Variants in ANKRD12 observed in about 807,000 individuals in gnomAD.
The protein encoded by ANKRD12 is ankyrin repeat domain-containing protein 12.
ANKRD12 carries 85 observed loss-of-function variants against 183.4 expected under a neutral mutation model. That is an observed-to-expected ratio of 0.46 (90% confidence interval 0.39 to 0.56). The LOEUF is 0.56. Among genes scored for constraint, ANKRD12 ranks in the 20% least tolerant of loss-of-function variants. The probability of loss-of-function intolerance (pLI) is 0.00; values close to 1 mark genes in which losing one functional copy is unlikely to be tolerated. For synonymous variants in ANKRD12, 914 were observed against 800.2 expected (o/e 1.14, Z -2.40); for missense variants, 2,405 against 2,357.1 (o/e 1.02, Z -0.42).
chr18:9,161,738 A>ATG (rs372785729), intron 1 of ANKRD12, among the ~76,000 whole-genome samples: 12,010 of 148,416 alleles, frequency 0.081, 489 homozygotes, highest in African/African-American at 0.11. Context: ...TGATATGTTG[A>ATG]TGTGTGTGTG....
chr18:9,281,262 AAC>A lies in ANKRD12; in HGVS notation c.*139_*140del. ...TTCGATTATAGTTGGTTATGTAGTA[AAC>A]ACTGTCATTTTATAAAAAATGAGAA... On this transcript the variant is annotated 3_prime_UTR_variant, in exon 13 of 13. Coordinates refer to ENST00000262126, the MANE Select transcript of ANKRD12 (RefSeq NM_015208.5). 1 of 627,946 alleles carries A rather than the reference AAC, an allele frequency of 1.6e-6. No individual in the cohort carries two copies. Among genetic ancestry groups the A allele is most frequent in the Non-Finnish European group, 2.6e-6 (1 of 378,546 alleles). The allele number at this position is 627,946 out of a possible 1,614,324, so 38.9% of individuals were successfully genotyped here. A position where few individuals can be genotyped will look rare whatever the true frequency, so the allele number is the denominator to read the frequency against.
chr18:9,156,096 C>G (rs1298017834), intron 1 of ANKRD12, among the ~76,000 whole-genome samples: 1 of 145,560 alleles, frequency 6.9e-6, no homozygotes, highest in Non-Finnish European at 1.5e-5. Flanking sequence ...CAAGATCACG[C>G]CACTGCACTC....
chr18:9,222,468 CTTT>C (rs959278288), intron 8 of ANKRD12, among the ~76,000 whole-genome samples: 2 of 135,234 alleles, frequency 1.5e-5, no homozygotes, highest in South Asian at 2.4e-4. Flanking sequence ...CAATTTCTTT[CTTT>C]TTTTTTTTTT....
intron 2 of ANKRD12, among the ~76,000 whole-genome samples, chr18:9,193,510 G>GTT (rs1019754086): frequency 6.6e-6 from 1 of 150,578 alleles, no homozygotes; most frequent in Non-Finnish European, 1.5e-5. Context: ...AATCTCAGTG[G>GTT]TTTTTTTTTG....
At chr18:9,166,701 T>G (rs1338738827) in intron 1 of ANKRD12, among the ~76,000 whole-genome samples, 2 of 152,016 alleles carry the variant, frequency 1.3e-5, no homozygotes, top group Non-Finnish European at 2.9e-5. Flanking sequence ...TCTTTTGCTG[T>G]GCAGAAGCTC....
intron 10 of ANKRD12, among the ~76,000 whole-genome samples, chr18:9,265,354 G>A (rs2145330623): frequency 6.6e-6 from 1 of 152,324 alleles, no homozygotes; most frequent in South Asian, 2.1e-4. Context: ...CCCCCGAGTA[G>A]CCTAACTGGG....
intron 1 of ANKRD12, among the ~76,000 whole-genome samples, chr18:9,164,667 G>A (rs1248169284): frequency 6.6e-6 from 1 of 152,110 alleles, no homozygotes; most frequent in Non-Finnish European, 1.5e-5. Flanking sequence ...AGTCATTCAG[G>A]AGCAGGTTGT....
At position 9,160,727 on chromosome 18, in the gene ANKRD12, G is replaced by A. The variant is rs533376540; in HGVS notation, c.-51-21655G>A. Among the ~76,000 whole-genome samples, 293 of 152,280 alleles carry A rather than the reference G, an allele frequency of 1.9e-3. 2 individuals are homozygous for A. The highest frequency in any genetic ancestry group is 2.6e-3 in the Non-Finnish European group (177 of 68,030). On this transcript the variant is annotated intron_variant, in intron 1 of 12. Coordinates refer to ENST00000262126, the MANE Select transcript of ANKRD12 (RefSeq NM_015208.5). ...AAGTTTGCGTTATCAAGTGTTATGA[G>A]CCTAAAAGAACAGCTTATTAAATTT...
At chr18:9,141,066 G>A (rs963039632) in intron 1 of ANKRD12, among the ~76,000 whole-genome samples, 2 of 151,776 alleles carry the variant, frequency 1.3e-5, no homozygotes, top group African/African-American at 4.8e-5. Context: ...GTTTGAAGGC[G>A]GGGATTCTTA....
chr18:9,218,829 G>A (rs1056779780), intron 7 of ANKRD12, among the ~76,000 whole-genome samples: 1 of 151,776 alleles, frequency 6.6e-6, no homozygotes, highest in East Asian at 1.9e-4. Context: ...CACCATGCTA[G>A]GCTAATTTTT....
intron 11 of ANKRD12, among the ~76,000 whole-genome samples, chr18:9,276,239 T>G (rs2039827630): frequency 2.6e-5 from 4 of 152,174 alleles, no homozygotes; most frequent in African/African-American, 7.2e-5. Flanking sequence ...ATTAAAATTT[T>G]TATAATAAAC....
At chr18:9,253,992 A>G (rs1410636886) in intron 8 of ANKRD12, among the ~76,000 whole-genome samples, 1 of 152,200 alleles carries the variant, frequency 6.6e-6, no homozygotes, top group African/African-American at 2.4e-5. Context: ...TGTCAAAAGG[A>G]GCCTCACCAT....
intron 8 of ANKRD12, among the ~76,000 whole-genome samples, chr18:9,252,706 T>C (rs1018195578): frequency 6.6e-6 from 1 of 152,190 alleles, no homozygotes; most frequent in African/African-American, 2.4e-5. Context: ...GGCTCGTGCC[T>C]GTATTCCCAG....
At chr18:9,247,667 C>T (rs1598683867) in intron 8 of ANKRD12, among the ~76,000 whole-genome samples, 1 of 151,962 alleles carries the variant, frequency 6.6e-6, no homozygotes, top group East Asian at 1.9e-4. Flanking sequence ...AGATATTCCC[C>T]CTCCTTTCTT....
chr18:9,222,516 CAT>C (rs1469999385), intron 8 of ANKRD12, among the ~76,000 whole-genome samples: 1 of 148,254 alleles, frequency 6.7e-6, no homozygotes, highest in Non-Finnish European at 1.5e-5. Context: ...AACAAAAAAA[CAT>C]TTACTGTGTT....
intron 12 of ANKRD12, among the ~76,000 whole-genome samples, chr18:9,280,078 TTAAAATC>T: frequency 6.6e-6 from 1 of 152,330 alleles, no homozygotes; most frequent in Middle Eastern, 3.4e-3. Context: ...TATTTTCAAA[TTAAAATC>T]TATAACAGCA....
intron 1 of ANKRD12, among the ~76,000 whole-genome samples, chr18:9,157,955 G>C (rs115187904): frequency 0.01 from 1,574 of 152,164 alleles, 22 homozygotes; most frequent in African/African-American, 0.036. Flanking sequence ...GGATATAGAC[G>C]TGAAACCAGG....
chr18:9,161,941 C>T (rs1433382242), intron 1 of ANKRD12, among the ~76,000 whole-genome samples: 1 of 151,982 alleles, frequency 6.6e-6, no homozygotes, highest in South Asian at 2.1e-4. Flanking sequence ...TAGCTCACTG[C>T]AGCTTTAAAC....
rs528558430 is a variant in ANKRD12 at position 9,254,617 on chromosome 18, A to C, written c.1350A>C (p.Ser450=). 6.3e-7 allele frequency: 1 copy of C among 1,586,418 alleles called. No homozygotes were observed. Among genetic ancestry groups the C allele is most frequent in the African/African-American group, 1.4e-5 (1 of 73,682 alleles). The change falls in exon 9 of 13, where the codon TCA becomes TCC. Residue 450 remains serine, a synonymous_variant. Transcript: ENST00000262126. ...STSCSVIPET[S]NSDMQTKKEY... is the part of the protein sequence containing the mutation. ...CATGTTCCGTCATCCCTGAAACATC[A>C]AATTCTGATATGCAAACCAAAAAGG...
Sources: gnomAD v4.1 joint callset for allele counts (sites outside exome capture counted in the v4.1 genomes callset) on GRCh38, gnomAD v4.1.1 for gene constraint, MANE v1.5 for transcripts, NCBI Gene and HGNC (gene_info 2026-07-23, HGNC 2026-07-21) for gene names.